CDK19: variants seen among roughly 807,000 people sequenced by gnomAD.
CDK19 encodes the protein cyclin dependent kinase 19.
A neutral mutation model predicts 68.3 loss-of-function variants in CDK19; 20 were observed. The ratio of observed to expected loss-of-function variants is 0.29; its 90% CI spans 0.21 to 0.43. The LOEUF is 0.43. Among genes scored for constraint, CDK19 ranks in the 20% least tolerant of loss-of-function variants. The pLI is 1.00. For synonymous variants in CDK19, 221 were observed against 222.8 expected (o/e 0.99, Z 0.07); for missense variants, 339 against 623.5 (o/e 0.54, Z 4.86).
At chr6:110,766,071 A>G (rs9487514) in intron 1 of CDK19, among the ~76,000 whole-genome samples, 7,096 of 152,268 alleles carry the variant, frequency 0.047, 215 homozygotes, top group South Asian at 0.084. Context: ...TAGAAATACC[A>G]TATGATCCAG....
intron 4 of CDK19, among the ~76,000 whole-genome samples, chr6:110,659,771 T>G (rs1341503433): frequency 6.6e-6 from 1 of 152,140 alleles, no homozygotes; most frequent in African/African-American, 2.4e-5. Flanking sequence ...GAAACATATT[T>G]TGAATTCTGA....
chr6:110,640,525 T>A (rs1780077863), intron 4 of CDK19, among the ~76,000 whole-genome samples: 1 of 152,050 alleles, frequency 6.6e-6, no homozygotes, highest in African/African-American at 2.4e-5. Flanking sequence ...AGAAAAAGGG[T>A]GGTAAAGATT....
chr6:110,620,958 G>A (rs1778672574), intron 12 of CDK19, 146 bp downstream of exon 12: 1 of 722,666 alleles, frequency 1.4e-6, no homozygotes, highest in African/African-American at 1.8e-5. Flanking sequence ...GAAATATGAT[G>A]AAAATCTTCC....
At chr6:110,732,706 C>A (rs1277293043) in intron 2 of CDK19, among the ~76,000 whole-genome samples, 1 of 152,120 alleles carries the variant, frequency 6.6e-6, no homozygotes, top group African/African-American at 2.4e-5. Context: ...GCAAAATGCA[C>A]AAGTCTTAAG....
intron 1 of CDK19, among the ~76,000 whole-genome samples, chr6:110,792,951 T>C (rs1299997487): frequency 6.6e-6 from 1 of 152,224 alleles, no homozygotes; most frequent in Non-Finnish European, 1.5e-5. Context: ...GAGGAGTATT[T>C]TGTCATCCAA....
At chr6:110,766,839 A>C (rs1779624168) in intron 1 of CDK19, among the ~76,000 whole-genome samples, 2 of 151,666 alleles carry the variant, frequency 1.3e-5, no homozygotes, top group South Asian at 4.2e-4. Flanking sequence ...GTCTCTAAGA[A>C]AATAAACAAA....
intron 1 of CDK19, chr6:110,813,099 T>C (rs1242297766): frequency 1.3e-5 from 2 of 151,390 alleles, no homozygotes; most frequent in African/African-American, 4.8e-5. Flanking sequence ...CACAAACTAA[T>C]CTTACTCTAG....
At chr6:110,677,626 T>C (rs1033671527) in intron 2 of CDK19, among the ~76,000 whole-genome samples, 3 of 151,050 alleles carry the variant, frequency 2.0e-5, no homozygotes, top group Non-Finnish European at 4.4e-5. Context: ...TGAGGTTCTC[T>C]AGTATCACTG....
chr6:110,723,161 A>AC (rs1023825490), intron 2 of CDK19, among the ~76,000 whole-genome samples: 20 of 151,350 alleles, frequency 1.3e-4, no homozygotes, highest in Non-Finnish European at 2.7e-4. Context: ...CAAAAAAAAA[A>AC]ACGCAGATTT....
intron 2 of CDK19, among the ~76,000 whole-genome samples, chr6:110,685,946 T>C (rs1343733337): frequency 6.6e-6 from 1 of 152,148 alleles, no homozygotes; most frequent in Non-Finnish European, 1.5e-5. Context: ...GGATGCTCCA[T>C]ATGCAATCAT....
At chr6:110,715,569 C>T (rs568007943) in intron 2 of CDK19, among the ~76,000 whole-genome samples, 119 of 152,256 alleles carry the variant, frequency 7.8e-4, no homozygotes, top group South Asian at 1.5e-3. Flanking sequence ...CCCACTGCAA[C>T]CTCTGCCTCC....
intron 1 of CDK19, among the ~76,000 whole-genome samples, chr6:110,764,952 A>AAAATAAATAAATAAATAAGTAAAT (rs1779471301): frequency 7.1e-6 from 1 of 141,048 alleles, no homozygotes; most frequent in African/African-American, 2.6e-5. Flanking sequence ...CTCCATCTCA[A>AAAATAAATAAATAAATAAGTAAAT]AAATAAATAA....
chr6:110,635,834 G>A (rs915764331), intron 5 of CDK19, among the ~76,000 whole-genome samples: 2 of 152,204 alleles, frequency 1.3e-5, no homozygotes, highest in African/African-American at 4.8e-5. Context: ...ACTGTGCCCA[G>A]CCCAACTATC....
chr6:110,809,357 C>T (rs1226462687), intron 1 of CDK19, among the ~76,000 whole-genome samples: 1 of 151,828 alleles, frequency 6.6e-6, no homozygotes, highest in African/African-American at 2.4e-5. Context: ...GACCTCGTCT[C>T]TACAAAACAA....
chr6:110,707,207 A>G (rs1448299448), intron 2 of CDK19, among the ~76,000 whole-genome samples: 3 of 151,970 alleles, frequency 2.0e-5, no homozygotes, highest in Non-Finnish European at 4.4e-5. Flanking sequence ...GTAGTCACAC[A>G]TGCCTGTAAT....
At chr6:110,675,627 C>CAAAAAAA (rs57966061) in intron 2 of CDK19, among the ~76,000 whole-genome samples, 7 of 56,522 alleles carry the variant, frequency 1.2e-4, no homozygotes, top group Non-Finnish European at 1.7e-4. Flanking sequence ...GACTCCATCT[C>CAAAAAAA]AAAAAAAAAA....
At chr6:110,646,323 C>G in intron 4 of CDK19, 1 of 1,482,776 alleles carries the variant, frequency 6.7e-7, no homozygotes, top group Non-Finnish European at 8.9e-7. Flanking sequence ...CCTGCGCGAA[C>G]GGGCCCACGA....
At chr6:110,676,519 G>A (rs1345486032) in intron 2 of CDK19, among the ~76,000 whole-genome samples, 1 of 152,144 alleles carries the variant, frequency 6.6e-6, no homozygotes. Flanking sequence ...GAAAGGAAGA[G>A]TTCATTGATG....
In CDK19 at chr6:110,785,583, TGAG is replaced by T. The variant is rs1216815236; in HGVS notation, c.128+29423_128+29425del. 2.6e-5 allele frequency among the ~76,000 whole-genome samples: 4 copies of T among 152,132 alleles called. No individual in the cohort carries two copies. The East Asian group carries it at 7.7e-4, about 29-fold the overall frequency. The stretch of plus-strand genomic sequence containing the variant: ...CTCATTGTCTTCACATTGAGTCGGC[TGAG>T]AAGAAAGAGGGGAGTTGGTCTTGCT... On this transcript the variant is annotated intron_variant, in intron 1 of 12. Coordinates refer to ENST00000368911, the MANE Select transcript of CDK19 (RefSeq NM_015076.5).
Sources: gnomAD v4.1 joint callset for allele counts (sites outside exome capture counted in the v4.1 genomes callset) on GRCh38, gnomAD v4.1.1 for gene constraint, MANE v1.5 for transcripts, NCBI Gene and HGNC (gene_info 2026-07-23, HGNC 2026-07-21) for gene names.